The following SGCD variants were observed in gnomAD, a reference collection of about 807,000 sequenced individuals.
The protein encoded by SGCD is delta-sarcoglycan.
Under a neutral mutation model 36.6 loss-of-function variants are expected in SGCD, and 18 were observed. The ratio of observed to expected loss-of-function variants is 0.49; its 90% CI spans 0.34 to 0.73. SGCD has a LOEUF of 0.73. Among genes scored for constraint, SGCD ranks in the 30% least tolerant of loss-of-function variants. The pLI, the probability that SGCD is intolerant of heterozygous loss-of-function variation, is 0.01. For missense variants in SGCD, 387 were observed against 346.7 expected (o/e 1.12, Z -0.92); for synonymous variants, 133 against 130.6 (o/e 1.02, Z -0.12).
intron 3 of SGCD, among the ~76,000 whole-genome samples, chr5:156,220,124 C>T (rs1173240126): frequency 2.6e-5 from 4 of 152,146 alleles, no homozygotes; most frequent in Non-Finnish European, 5.9e-5. Context: ...AGAATTCATA[C>T]GTGCTGGAGC....
chr5:155,910,354 A>G (rs1213726094), intron 1 of SGCD, among the ~76,000 whole-genome samples: 2 of 152,136 alleles, frequency 1.3e-5, no homozygotes, highest in Non-Finnish European at 2.9e-5. Context: ...CTTTTAAATA[A>G]TAAAGTTGAA....
chr5:156,157,498 A>G (rs1309304722), intron 3 of SGCD, among the ~76,000 whole-genome samples: 2 of 151,718 alleles, frequency 1.3e-5, no homozygotes, highest in Non-Finnish European at 2.9e-5. Context: ...CAAAACCTCC[A>G]TCTCTCACTA....
At chr5:156,513,814 T>C (rs1757040920) in intron 4 of SGCD, among the ~76,000 whole-genome samples, 2 of 152,194 alleles carry the variant, frequency 1.3e-5, no homozygotes, top group African/African-American at 4.8e-5. Flanking sequence ...ATCTGGGAGT[T>C]GAATGAAAGC....
At chr5:156,614,837 A>G (rs1034876855) in intron 6 of SGCD, among the ~76,000 whole-genome samples, 1 of 152,086 alleles carries the variant, frequency 6.6e-6, no homozygotes, top group Non-Finnish European at 1.5e-5. Flanking sequence ...TGTCTCCTCC[A>G]TCAAACTTCC....
chr5:156,045,934 ACT>A (rs1759754436), intron 1 of SGCD, among the ~76,000 whole-genome samples: 1 of 151,986 alleles, frequency 6.6e-6, no homozygotes, highest in Admixed American at 6.6e-5. Flanking sequence ...GGTCCTTAAA[ACT>A]CTGAATCTTG....
intron 3 of SGCD, among the ~76,000 whole-genome samples, chr5:156,495,972 G>C (rs950067738): frequency 2.6e-5 from 4 of 152,104 alleles, no homozygotes; most frequent in African/African-American, 7.2e-5. Context: ...TTCTGAATCT[G>C]AGTGCTCATT....
intron 7 of SGCD, among the ~76,000 whole-genome samples, chr5:156,688,839 T>C (rs1754006137): frequency 6.6e-6 from 1 of 152,244 alleles, no homozygotes; most frequent in African/African-American, 2.4e-5. Flanking sequence ...AGGGCTATCA[T>C]ATCTCTTGTG....
intron 1 of SGCD, among the ~76,000 whole-genome samples, chr5:155,994,201 T>C (rs1287742312): frequency 2.0e-5 from 3 of 152,178 alleles, no homozygotes; most frequent in Admixed American, 6.5e-5. Context: ...GACTTGACTT[T>C]ACATTGTGGC....
chr5:156,044,666 C>T (rs1759719192), intron 1 of SGCD, among the ~76,000 whole-genome samples: 1 of 152,040 alleles, frequency 6.6e-6, no homozygotes, highest in South Asian at 2.1e-4. Flanking sequence ...TATAAACCGA[C>T]AGAATTTTTT....
chr5:156,071,084 C>G (rs1230188666), intron 1 of SGCD, among the ~76,000 whole-genome samples: 2 of 152,104 alleles, frequency 1.3e-5, no homozygotes, highest in Non-Finnish European at 2.9e-5. Context: ...AAAAGCAGCT[C>G]CTGGATTCAT....
intron 3 of SGCD, among the ~76,000 whole-genome samples, chr5:156,373,101 G>A (rs1385520197): frequency 2.6e-5 from 4 of 152,144 alleles, no homozygotes; most frequent in African/African-American, 4.8e-5. Flanking sequence ...ATTAAGAGTT[G>A]CTCATAATTT....
At chr5:156,018,808 T>C (rs17536262) in intron 1 of SGCD, among the ~76,000 whole-genome samples, 33,138 of 152,182 alleles carry the variant, frequency 0.22, 4,485 homozygotes, top group South Asian at 0.37. Flanking sequence ...ACAGGCACTT[T>C]TTTTCTTCAC....
intron 3 of SGCD, among the ~76,000 whole-genome samples, chr5:156,240,302 G>A (rs1025900756): frequency 6.6e-6 from 1 of 151,990 alleles, no homozygotes; most frequent in African/African-American, 2.4e-5. Flanking sequence ...AGCAGAGGAG[G>A]GAGTGAAAGG....
At chr5:155,862,158 G>A in the SGCD span, among the ~76,000 whole-genome samples, 3 of 152,206 alleles carry the variant, frequency 2.0e-5, no homozygotes, top group East Asian at 3.9e-4. Context: ...GATGCAAATG[G>A]TGTTTTCACC....
intron 3 of SGCD, among the ~76,000 whole-genome samples, chr5:156,298,549 GC>G (rs543522385): frequency 4.1e-4 from 61 of 148,364 alleles, no homozygotes; most frequent in African/African-American, 1.5e-3. Context: ...ATACCTGTTT[GC>G]CATTTGTTAA....
intron 3 of SGCD, among the ~76,000 whole-genome samples, chr5:156,211,210 T>A (rs184276723): frequency 6.6e-6 from 1 of 152,004 alleles, no homozygotes; most frequent in Non-Finnish European, 1.5e-5. Context: ...GGCAAAGCTG[T>A]TTTTTAGAAA....
At chr5:156,517,442 C>A (rs768286070) in intron 4 of SGCD, among the ~76,000 whole-genome samples, 2 of 152,096 alleles carry the variant, frequency 1.3e-5, no homozygotes, top group Non-Finnish European at 2.9e-5. Context: ...AGGAGAACTT[C>A]CCCAACCTAG....
chr5:156,651,290 A>C (rs1036304853), intron 7 of SGCD, among the ~76,000 whole-genome samples: 2 of 151,642 alleles, frequency 1.3e-5, no homozygotes, highest in East Asian at 3.9e-4. Context: ...GCTGTGCAGA[A>C]CCTCTTTAGT....
the SGCD span, among the ~76,000 whole-genome samples, chr5:155,850,403 A>G: frequency 1.3e-5 from 2 of 151,824 alleles, no homozygotes; most frequent in African/African-American, 4.8e-5. Context: ...CAAAATAGAG[A>G]CAGAGAGACA....
Sources: gnomAD v4.1 joint callset for allele counts (sites outside exome capture counted in the v4.1 genomes callset) on GRCh38, gnomAD v4.1.1 for gene constraint, MANE v1.5 for transcripts, NCBI Gene and HGNC (gene_info 2026-07-23, HGNC 2026-07-21) for gene names.